Variants in RSU1 observed in about 807,000 individuals in gnomAD.
RSU1 encodes rsu-1.
Under a neutral mutation model 31.1 loss-of-function variants are expected in RSU1, and 26 were observed. The ratio of observed to expected loss-of-function variants is 0.84; its 90% CI spans 0.61 to 1.16. The LOEUF (loss-of-function observed/expected upper bound fraction) is 1.16, where lower values mean the gene tolerates loss of function less well. Ranked by LOEUF, RSU1 falls within the 50% of genes most tolerant of loss-of-function variation. The probability of loss-of-function intolerance (pLI) is 0.00; values close to 1 mark genes in which losing one functional copy is unlikely to be tolerated. For missense variants in RSU1, 320 were observed against 339.1 expected, an observed-to-expected ratio of 0.94 and a Z score of 0.44; for synonymous variants, 164 against 136.3, an observed-to-expected ratio of 1.20 and a Z score of -1.41.
At chr10:16,757,745 G>A (rs770092130) in intron 4 of RSU1, among the ~76,000 whole-genome samples, 5 of 152,300 alleles carry the variant, frequency 3.3e-5, no homozygotes, top group Non-Finnish European at 7.4e-5. Flanking sequence ...CAGACCCTTG[G>A]GCTCTGATAC....
intron 2 of RSU1, among the ~76,000 whole-genome samples, chr10:16,799,035 A>G (rs1412661319): frequency 1.3e-5 from 2 of 152,182 alleles, no homozygotes; most frequent in Non-Finnish European, 2.9e-5. Context: ...ATAACTAGAG[A>G]TACATTGTCC....
At chr10:16,747,731 T>C (rs1836884233) in intron 7 of RSU1, among the ~76,000 whole-genome samples, 2 of 152,130 alleles carry the variant, frequency 1.3e-5, no homozygotes, top group South Asian at 4.1e-4. Flanking sequence ...GCCAAAGAAC[T>C]CCTCTGAAAA....
At chr10:16,760,423 C>T (rs1473170867) in intron 4 of RSU1, among the ~76,000 whole-genome samples, 3 of 150,738 alleles carry the variant, frequency 2.0e-5, no homozygotes, top group East Asian at 2.0e-4. Context: ...GCAGGAGAAT[C>T]GTTTGAACCC....
At position 16,751,946 on chromosome 10, in the gene RSU1, A is replaced by C. The variant is rs551205428; in HGVS notation, c.598+593T>G. Among the ~76,000 whole-genome samples, 78 of 152,236 alleles carry C rather than the reference A, an allele frequency of 5.1e-4. 1 individual carries two copies. Among genetic ancestry groups the C allele is most frequent in the South Asian group, 2.1e-3 (10 of 4,822 alleles). On this transcript the variant is annotated intron_variant, in intron 7 of 8. Transcript: ENST00000345264. The stretch of plus-strand genomic sequence containing the variant: ...TAAACCCACCCTGGAAATAGGAACG[A>C]CCTGGCAGAGAAACAGGATTAGGAT...
chr10:16,681,568 A>C (rs1179311343), intron 8 of RSU1, among the ~76,000 whole-genome samples: 1 of 152,250 alleles, frequency 6.6e-6, no homozygotes, highest in Non-Finnish European at 1.5e-5. Flanking sequence ...AATTAAAAAA[A>C]TAATGAATTG....
intron 8 of RSU1, among the ~76,000 whole-genome samples, chr10:16,652,211 T>C (rs1588695650): frequency 6.6e-6 from 1 of 152,068 alleles, no homozygotes; most frequent in East Asian, 1.9e-4. Context: ...GGAAGAGAGA[T>C]GCTAGGAAGA....
At chr10:16,813,386 G>C (rs904600001) in intron 2 of RSU1, among the ~76,000 whole-genome samples, 3 of 152,156 alleles carry the variant, frequency 2.0e-5, no homozygotes, top group African/African-American at 2.4e-5. Flanking sequence ...ACCCAGTCGA[G>C]TTAACAAAGT....
At chr10:16,781,326 G>A (rs1251927781) in intron 3 of RSU1, among the ~76,000 whole-genome samples, 3 of 152,218 alleles carry the variant, frequency 2.0e-5, no homozygotes, top group East Asian at 3.9e-4. Flanking sequence ...AAGCAGATAC[G>A]TCTACTGTGG....
At chr10:16,725,999 T>C (rs1298000936) in intron 7 of RSU1, among the ~76,000 whole-genome samples, 5 of 151,586 alleles carry the variant, frequency 3.3e-5, no homozygotes, top group Non-Finnish European at 7.4e-5. Context: ...AAAACATACA[T>C]AGAATGTAGA....
chr10:16,788,613 G>C (rs1192007980), intron 2 of RSU1, among the ~76,000 whole-genome samples: 1 of 152,168 alleles, frequency 6.6e-6, no homozygotes, highest in Non-Finnish European at 1.5e-5. Flanking sequence ...TGTTGTTTAA[G>C]TAACCCAGTC....
intron 2 of RSU1, among the ~76,000 whole-genome samples, chr10:16,801,847 C>T (rs1175837511): frequency 6.6e-6 from 1 of 151,928 alleles, no homozygotes; most frequent in Non-Finnish European, 1.5e-5. Flanking sequence ...GAAAATACTA[C>T]TTATCAGAAT....
At chr10:16,716,138 G>A (rs1836135221) in intron 7 of RSU1, among the ~76,000 whole-genome samples, 1 of 152,116 alleles carries the variant, frequency 6.6e-6, no homozygotes, top group African/African-American at 2.4e-5. Flanking sequence ...AGAGATTATG[G>A]AAACTGAAAC....
At chr10:16,731,293 G>A (rs745663219) in intron 7 of RSU1, among the ~76,000 whole-genome samples, 6 of 151,972 alleles carry the variant, frequency 3.9e-5, no homozygotes, top group East Asian at 1.9e-4. Context: ...AGCCGGGCGC[G>A]GGGGTGGGCG....
At chr10:16,758,896 C>T (rs1223540457) in intron 4 of RSU1, among the ~76,000 whole-genome samples, 3 of 152,164 alleles carry the variant, frequency 2.0e-5, no homozygotes, top group Non-Finnish European at 4.4e-5. Context: ...TCGCAGGGCT[C>T]AGCTATGCCA....
chr10:16,623,733 T>C (rs767830052), intron 8 of RSU1, among the ~76,000 whole-genome samples: 2 of 152,196 alleles, frequency 1.3e-5, no homozygotes, highest in African/African-American at 2.4e-5. Flanking sequence ...TGTGAGATAG[T>C]ATCTCACTGT....
At chr10:16,812,928 G>C (rs1838438137) in intron 2 of RSU1, among the ~76,000 whole-genome samples, 1 of 151,742 alleles carries the variant, frequency 6.6e-6, no homozygotes, top group South Asian at 2.1e-4. Context: ...AGTTTCTGCA[G>C]TGAAATCTCT....
chr10:16,676,745 T>G (rs766934051), intron 8 of RSU1, among the ~76,000 whole-genome samples: 7 of 152,222 alleles, frequency 4.6e-5, no homozygotes, highest in South Asian at 4.1e-4. Context: ...TTGGGATTTT[T>G]GGATTAGGGA....
chr10:16,719,128 T>C (rs1341901502), intron 7 of RSU1, among the ~76,000 whole-genome samples: 1 of 152,020 alleles, frequency 6.6e-6, no homozygotes, highest in Non-Finnish European at 1.5e-5. Flanking sequence ...GGCAACACAG[T>C]GACAACCTAT....
At chr10:16,706,181 G>A (rs1157626863) in intron 7 of RSU1, among the ~76,000 whole-genome samples, 1 of 152,144 alleles carries the variant, frequency 6.6e-6, no homozygotes, top group East Asian at 1.9e-4. Context: ...GGGTCGTATG[G>A]TAGTTTTAAT....
Sources: gnomAD v4.1 joint callset for allele counts (sites outside exome capture counted in the v4.1 genomes callset) on GRCh38, gnomAD v4.1.1 for gene constraint, MANE v1.5 for transcripts, NCBI Gene and HGNC (gene_info 2026-07-23, HGNC 2026-07-21) for gene names.